Variants in IRAG2 observed in about 807,000 individuals in gnomAD.
IRAG2 encodes inositol 1,4,5-triphosphate receptor associated 2, also known as lymphoid restricted membrane protein.
Under a neutral mutation model 69.9 loss-of-function variants are expected in IRAG2, and 45 were observed. That is an observed-to-expected ratio of 0.64 (90% CI 0.51 to 0.83). IRAG2 has a LOEUF of 0.83. Among genes scored for constraint, IRAG2 ranks in the 40% least tolerant of loss-of-function variants. The pLI, the probability that IRAG2 is intolerant of heterozygous loss-of-function variation, is 0.00. For synonymous variants in IRAG2, 193 were observed against 202.4 expected (o/e 0.95, Z 0.40); for missense variants, 520 against 587.0 (o/e 0.89, Z 1.18).
intron 21 of IRAG2, 132 bp from the exon 22 acceptor site, chr12:25,107,685 A>C (rs1949292279): frequency 7.7e-6 from 6 of 781,598 alleles, no homozygotes; most frequent in South Asian, 7.1e-5. Context: ...AAAATGATAA[A>C]TCATAATATG....
At chr12:25,060,275 T>C (rs1167227725) in intron 1 of IRAG2, among the ~76,000 whole-genome samples, 1 of 152,146 alleles carries the variant, frequency 6.6e-6, no homozygotes, top group Non-Finnish European at 1.5e-5. Flanking sequence ...TATTTTCTGG[T>C]TTTGGCTATG....
intron 3 of IRAG2, among the ~76,000 whole-genome samples, chr12:25,014,393 C>CT (rs1195583288): frequency 2.0e-5 from 3 of 152,130 alleles, no homozygotes; most frequent in African/African-American, 7.2e-5. Flanking sequence ...TGTGTGAGTT[C>CT]TTTCATTCCC....
chr12:25,068,110 G>C (rs1435536383), intron 5 of IRAG2, among the ~76,000 whole-genome samples: 3 of 151,960 alleles, frequency 2.0e-5, no homozygotes, highest in Non-Finnish European at 2.9e-5. Flanking sequence ...CAAAGTGCTG[G>C]GATTACAGGT....
At chr12:25,044,471 A>G (rs1944775569) in intron 16 of IRAG2, among the ~76,000 whole-genome samples, 1 of 143,152 alleles carries the variant, frequency 7.0e-6, no homozygotes. Flanking sequence ...CAAAAGACAT[A>G]GAGGGCTGAA....
At chr12:25,065,135 C>A (rs561040372) in intron 4 of IRAG2, among the ~76,000 whole-genome samples, 1 of 151,754 alleles carries the variant, frequency 6.6e-6, no homozygotes, top group African/African-American at 2.4e-5. Context: ...ATGTGCCAGA[C>A]ACAGTTCTAT....
intron 3 of IRAG2, chr12:25,011,589 A>G: frequency 8.7e-7 from 1 of 1,148,776 alleles, no homozygotes; most frequent in African/African-American, 1.6e-5. Flanking sequence ...TTAAGGTTCT[A>G]TTTTAACAAC....
intron 1 of IRAG2, among the ~76,000 whole-genome samples, chr12:25,056,906 A>C (rs1030181189): frequency 1.3e-5 from 2 of 151,978 alleles, no homozygotes; most frequent in African/African-American, 4.8e-5. Flanking sequence ...CCCCAGAGTC[A>C]CTCTGGGTTC....
intron 8 of IRAG2, chr12:25,024,029 C>T (rs1398107004): frequency 3.9e-6 from 2 of 518,412 alleles, no homozygotes; most frequent in Non-Finnish European, 5.9e-6. Flanking sequence ...CTCCTATAGG[C>T]CAGAGAGCAG....
At chr12:25,048,365 C>T (rs890836833), upstream of IRAG2, among the ~76,000 whole-genome samples, 11 of 152,036 alleles carry the variant, frequency 7.2e-5, no homozygotes, top group East Asian at 1.3e-3. Context: ...GTCTCGATCT[C>T]GGCTCACTGC....
intron 13 of IRAG2, chr12:25,033,956 T>C (rs775757696): frequency 2.5e-5 from 10 of 398,854 alleles, no homozygotes; most frequent in African/African-American, 1.0e-4. Flanking sequence ...AGGTAGGTCA[T>C]TATAAGAAGA....
intron 10 of IRAG2, chr12:25,030,347 C>T: frequency 8.1e-7 from 1 of 1,229,846 alleles, no homozygotes. Flanking sequence ...TGGTATTGTT[C>T]CTTACCACAA....
the IRAG2 span, among the ~76,000 whole-genome samples, chr12:24,998,402 A>C: frequency 6.6e-6 from 1 of 152,240 alleles, no homozygotes. Context: ...AACAGCTGCT[A>C]TCATCTATCC....
intron 6 of IRAG2, chr12:25,076,616 A>G (rs1946706016): frequency 7.1e-6 from 7 of 983,202 alleles, no homozygotes; most frequent in Non-Finnish European, 8.5e-6. Flanking sequence ...TATTTCTTAA[A>G]TATGAATACC....
intron 2 of IRAG2, among the ~76,000 whole-genome samples, chr12:25,010,345 C>T (rs1944464605): frequency 6.6e-6 from 1 of 152,038 alleles, no homozygotes; most frequent in South Asian, 2.1e-4. Flanking sequence ...GGTGTGGTGG[C>T]ACATGCCTGT....
chr12:25,029,034 AT>A (rs1179720567), intron 9 of IRAG2, among the ~76,000 whole-genome samples: 1 of 152,222 alleles, frequency 6.6e-6, no homozygotes, highest in Non-Finnish European at 1.5e-5. Flanking sequence ...CGTTGTGCAC[AT>A]GTACCCATCT....
At chr12:25,003,967 G>A (rs1944411785), upstream of IRAG2, among the ~76,000 whole-genome samples, 1 of 152,174 alleles carries the variant, frequency 6.6e-6, no homozygotes, top group African/African-American at 2.4e-5. Flanking sequence ...TAGAATCTGA[G>A]CTGTGGCATT....
At chr12:25,091,762 C>A (rs536948689) in intron 14 of IRAG2, among the ~76,000 whole-genome samples, 17 of 152,202 alleles carry the variant, frequency 1.1e-4, no homozygotes, top group African/African-American at 3.9e-4. Flanking sequence ...AAATCTTCAC[C>A]AACACTTGTT....
intron 3 of IRAG2, chr12:25,015,140 TA>T: frequency 1.3e-6 from 1 of 779,222 alleles, no homozygotes; most frequent in Non-Finnish European, 1.6e-6. Flanking sequence ...CAAAGAATCC[TA>T]GCTCACTGGT....
At chr12:25,049,066 CCTATTT>C (rs1172969447), upstream of IRAG2, among the ~76,000 whole-genome samples, 2 of 152,054 alleles carry the variant, frequency 1.3e-5, no homozygotes, top group Admixed American at 1.3e-4. Context: ...GGTGTACAGT[CCTATTT>C]CTGAGTTCTC....
Sources: gnomAD v4.1 joint callset for allele counts (sites outside exome capture counted in the v4.1 genomes callset) on GRCh38, gnomAD v4.1.1 for gene constraint, MANE v1.5 for transcripts, NCBI Gene and HGNC (gene_info 2026-07-23, HGNC 2026-07-21) for gene names.